Variants in BACH2 observed in about 807,000 individuals in gnomAD.
The protein encoded by BACH2 is transcription regulator protein BACH2.
A neutral mutation model predicts 61.8 loss-of-function variants in BACH2; 5 were observed. That is an observed-to-expected ratio of 0.08 (90% CI 0.04 to 0.17). The LOEUF (loss-of-function observed/expected upper bound fraction) is 0.17, where lower values mean the gene tolerates loss of function less well. BACH2 is among the 10% of genes least tolerant of loss of function. The pLI is 1.00. For missense variants in BACH2, 824 were observed against 1,091.1 expected, an observed-to-expected ratio of 0.76 and a Z score of 3.45; for synonymous variants, 446 against 440.1, an observed-to-expected ratio of 1.01 and a Z score of -0.17.
chr6:90,185,430 G>A (rs1024895600), intron 4 of BACH2, among the ~76,000 whole-genome samples: 1 of 151,884 alleles, frequency 6.6e-6, no homozygotes, highest in Non-Finnish European at 1.5e-5. Context: ...AAAAGCACAG[G>A]GCAAAACTGC....
chr6:90,035,132 C>G (rs1454633390), intron 5 of BACH2, among the ~76,000 whole-genome samples: 1 of 152,120 alleles, frequency 6.6e-6, no homozygotes, highest in Non-Finnish European at 1.5e-5. Context: ...TCTGGCAACA[C>G]AGTTGAGTAA....
intron 5 of BACH2, among the ~76,000 whole-genome samples, chr6:90,023,627 A>C (rs1778493134): frequency 6.6e-6 from 1 of 151,938 alleles, no homozygotes; most frequent in South Asian, 2.1e-4. Context: ...GTGTCCTCTC[A>C]AAATTCGTAT....
chr6:90,159,290 G>C (rs1466119915), intron 4 of BACH2, among the ~76,000 whole-genome samples: 1 of 152,116 alleles, frequency 6.6e-6, no homozygotes, highest in East Asian at 1.9e-4. Flanking sequence ...TAACACATGT[G>C]GAAAAAGCCA....
At chr6:90,265,013 ATACAAGCTGTTTG>A (rs1771278281) in intron 2 of BACH2, among the ~76,000 whole-genome samples, 1 of 152,260 alleles carries the variant, frequency 6.6e-6, no homozygotes. Context: ...TAAAAATCTT[ATACAAGCTGTTTG>A]CTATTATAGT....
chr6:90,234,362 G>C (rs1211324642), intron 3 of BACH2, among the ~76,000 whole-genome samples: 2 of 152,214 alleles, frequency 1.3e-5, no homozygotes, highest in Non-Finnish European at 2.9e-5. Context: ...CTGTACAGTA[G>C]GGCTGTGAGT....
chr6:90,279,695 A>T (rs1771802021), intron 1 of BACH2, among the ~76,000 whole-genome samples: 1 of 152,182 alleles, frequency 6.6e-6, no homozygotes, highest in African/African-American at 2.4e-5. Flanking sequence ...CAAATAACTC[A>T]CAGCCTTAAA....
chr6:90,264,443 G>A (rs1303900502), intron 2 of BACH2, among the ~76,000 whole-genome samples: 1 of 152,078 alleles, frequency 6.6e-6, no homozygotes, highest in Non-Finnish European at 1.5e-5. Context: ...GTATATAAAT[G>A]TTCTTCATAT....
At chr6:90,294,966 A>G (rs538330846) in intron 1 of BACH2, among the ~76,000 whole-genome samples, 5 of 152,388 alleles carry the variant, frequency 3.3e-5, no homozygotes, top group African/African-American at 1.2e-4. Context: ...ACTAGGCAGG[A>G]AAGGATTTTT....
intron 4 of BACH2, among the ~76,000 whole-genome samples, chr6:90,148,821 T>C (rs998902333): frequency 2.0e-4 from 30 of 152,196 alleles, no homozygotes; most frequent in African/African-American, 7.2e-4. Context: ...TAAAAACATG[T>C]TGTTTTTTGA....
intron 4 of BACH2, among the ~76,000 whole-genome samples, chr6:90,100,706 C>CACACACACACACACAAACAG (rs1782580992): frequency 2.1e-5 from 3 of 143,174 alleles, no homozygotes; most frequent in African/African-American, 7.9e-5. Context: ...CACACAGACA[C>CACACACACACACACAAACAG]ACACACACAC....
intron 4 of BACH2, among the ~76,000 whole-genome samples, chr6:90,169,918 T>C (rs949718166): frequency 3.3e-5 from 5 of 152,194 alleles, no homozygotes; most frequent in Admixed American, 6.5e-5. Flanking sequence ...TTTGTGGGAA[T>C]TGGTGGGCAG....
At chr6:90,092,294 AT>A (rs1562438074) in intron 4 of BACH2, among the ~76,000 whole-genome samples, 434 of 66,476 alleles carry the variant, frequency 6.5e-3, no homozygotes, top group Admixed American at 8.9e-3. Context: ...AAAAAAAAAT[AT>A]ATATATATAT....
At chr6:90,295,988 G>A (rs1772355326) in intron 1 of BACH2, among the ~76,000 whole-genome samples, 2 of 152,176 alleles carry the variant, frequency 1.3e-5, no homozygotes, top group South Asian at 4.1e-4. Context: ...CACGCCGAGG[G>A]TTAAGGAGGA....
rs528907797 is a variant in BACH2 at position 90,256,657 on chromosome 6, T to C, written c.-352-4067A>G. Among the ~76,000 whole-genome samples, 118 of 152,350 alleles carry C rather than the reference T, an allele frequency of 7.7e-4. 1 individual carries two copies. Among genetic ancestry groups the C allele is most frequent in the African/African-American group, 2.7e-3 (111 of 41,586 alleles). ...TAATTTTTATTACGTATATTTATGG[T>C]ATACAACGTGATGTTATAGGCTTAA... is the stretch of plus-strand genomic sequence containing the variant. On this transcript the variant is annotated intron_variant, in intron 2 of 8. Transcript: ENST00000257749.
At chr6:90,215,716 C>G (rs1156365120) in intron 3 of BACH2, among the ~76,000 whole-genome samples, 3 of 152,146 alleles carry the variant, frequency 2.0e-5, no homozygotes. Flanking sequence ...GTCATTTAGG[C>G]TACAACTAGA....
At chr6:90,107,098 G>T (rs1482229002) in intron 4 of BACH2, among the ~76,000 whole-genome samples, 23 of 152,146 alleles carry the variant, frequency 1.5e-4, no homozygotes. Flanking sequence ...TATAGGCCGG[G>T]TGTGGTGGCT....
At chr6:90,052,153 T>C (rs1176164886) in intron 5 of BACH2, among the ~76,000 whole-genome samples, 2 of 152,224 alleles carry the variant, frequency 1.3e-5, no homozygotes, top group Non-Finnish European at 2.9e-5. Context: ...ACACATATAT[T>C]CTATTTGTTT....
At chr6:90,263,247 C>T (rs1389961551) in intron 2 of BACH2, among the ~76,000 whole-genome samples, 1 of 152,150 alleles carries the variant, frequency 6.6e-6, no homozygotes, top group Admixed American at 6.5e-5. Flanking sequence ...ATGGGTCAAA[C>T]ATCTCTATGA....
At chr6:90,114,469 C>T (rs909890900) in intron 4 of BACH2, among the ~76,000 whole-genome samples, 3 of 152,144 alleles carry the variant, frequency 2.0e-5, no homozygotes, top group African/African-American at 7.2e-5. Context: ...TTCAACATCT[C>T]TTCATGTTAA....
Sources: gnomAD v4.1 joint callset for allele counts (sites outside exome capture counted in the v4.1 genomes callset) on GRCh38, gnomAD v4.1.1 for gene constraint, MANE v1.5 for transcripts, NCBI Gene and HGNC (gene_info 2026-07-23, HGNC 2026-07-21) for gene names.